Variants in TMED5 observed in about 807,000 individuals in gnomAD.
The protein encoded by TMED5 is transmembrane p24 trafficking protein 5, also known as transmembrane emp24 domain-containing protein 5.
TMED5 carries 27 observed loss-of-function variants against 23.0 expected under a neutral mutation model. That is an observed-to-expected ratio of 1.17 (90% CI 0.86 to 1.62). TMED5 has a LOEUF of 1.62. Ranked by LOEUF, TMED5 falls within the 40% of genes most tolerant of loss-of-function variation. The pLI, the probability that TMED5 is intolerant of heterozygous loss-of-function variation, is 0.00. For synonymous variants in TMED5, 97 were observed against 100.8 expected, an observed-to-expected ratio of 0.96 and a Z score of 0.23; for missense variants, 248 against 273.7, an observed-to-expected ratio of 0.91 and a Z score of 0.66.
At chr1:93,159,937 G>A (rs375899389) in intron 2 of TMED5, among the ~76,000 whole-genome samples, 192 bp downstream of exon 2, 2 of 152,116 alleles carry the variant, frequency 1.3e-5, no homozygotes, top group Non-Finnish European at 2.9e-5. Context: ...AAAAGAAAAC[G>A]CTTAAACAAA....
intron 1 of TMED5, among the ~76,000 whole-genome samples, chr1:93,174,728 G>A (rs916099319): frequency 2.0e-5 from 3 of 152,172 alleles, no homozygotes; most frequent in African/African-American, 7.2e-5. Flanking sequence ...ACTTCTAAGT[G>A]AGAACACGTG....
intron 1 of TMED5, among the ~76,000 whole-genome samples, chr1:93,171,365 G>A (rs1648729131): frequency 1.3e-5 from 2 of 152,090 alleles, no homozygotes; most frequent in African/African-American, 2.4e-5. Flanking sequence ...GAGGGTCCGC[G>A]GCTTCATTCT....
In TMED5 at chr1:93,178,386, CAATT is replaced by C. The variant is rs1260063647; in HGVS notation, c.189+1664_189+1667del. On this transcript the variant is annotated intron_variant, in intron 1 of 3. Coordinates refer to ENST00000370282, the MANE Select transcript of TMED5 (RefSeq NM_016040.5). Reference sequence around the variant, plus strand: ...CCCCTTGTTCCTGGCATTTTCGTCTCAATTAAGCATCTTTCTGGATTAAATTTTA... The same window carrying C: ...CCCCTTGTTCCTGGCATTTTCGTCTCAAGCATCTTTCTGGATTAAATTTTA... 3.3e-5 allele frequency among the ~76,000 whole-genome samples: 5 copies of C among 152,160 alleles called. No individual in the cohort carries two copies. In the East Asian group the frequency reaches 9.6e-4, roughly 29 times the overall value.
rs1647843899 is a variant in TMED5, at chr1:93,150,729, T to G, written c.*3941A>C. The G allele has an allele frequency of 6.6e-6, 1 of 152,208 alleles. No homozygotes were observed. Among genetic ancestry groups the G allele is most frequent in the Admixed American group, 6.5e-5 (1 of 15,278 alleles). 9.4% of individuals were successfully genotyped at this position (152,208 alleles called of 1,614,324 possible). A position where few individuals can be genotyped will look rare whatever the true frequency, so the allele number is the denominator to read the frequency against. ...GTTAGATTTAGTCCAGCCTCCCATT[T>G]CATATTAGCTGTAGTAACAATCCCC... On this transcript the variant is annotated 3_prime_UTR_variant, in exon 4 of 4. Transcript: ENST00000370282.
At chr1:93,157,027 A>G (rs904694172) in intron 2 of TMED5, among the ~76,000 whole-genome samples, 1 of 152,078 alleles carries the variant, frequency 6.6e-6, no homozygotes, top group Non-Finnish European at 1.5e-5. Context: ...TTGGAAAAGG[A>G]TAGAATTAAA....
chr1:93,168,969 C>T (rs1648603151), intron 1 of TMED5, among the ~76,000 whole-genome samples: 1 of 152,146 alleles, frequency 6.6e-6, no homozygotes, highest in Non-Finnish European at 1.5e-5. Context: ...GAAAGAGCCA[C>T]AAGAAGAAAC....
chr1:93,165,127 T>C (rs775282691), intron 1 of TMED5, among the ~76,000 whole-genome samples: 4 of 152,180 alleles, frequency 2.6e-5, no homozygotes, highest in Non-Finnish European at 5.9e-5. Flanking sequence ...TCCTTCCCAA[T>C]TGAGCCTAAG....
At chr1:93,162,440 TAAA>T (rs1188203367) in intron 1 of TMED5, 1 of 151,818 alleles carries the variant, frequency 6.6e-6, no homozygotes, top group African/African-American at 2.4e-5. Context: ...CTACTAAAAA[TAAA>T]AAAATGAGCC....
At chr1:93,177,364 G>A (rs547796485) in intron 1 of TMED5, among the ~76,000 whole-genome samples, 1 of 152,234 alleles carries the variant, frequency 6.6e-6, no homozygotes, top group East Asian at 1.9e-4. Context: ...GATCACTTGA[G>A]ATCAGGAGTT....
chr1:93,171,251 G>A (rs901247844), intron 1 of TMED5, among the ~76,000 whole-genome samples: 5 of 152,098 alleles, frequency 3.3e-5, no homozygotes, highest in African/African-American at 9.7e-5. Flanking sequence ...TCCTGAGCCA[G>A]CGAGACCACA....
rs1264237541 is a variant in TMED5 at position 93,152,386 on chromosome 1, A to AT, written c.*2283dup. 1 of 152,348 alleles carries AT rather than the reference A, an allele frequency of 6.6e-6. No homozygotes were observed. The highest frequency in any genetic ancestry group is 1.5e-5 in the Non-Finnish European group (1 of 68,020). 9.4% of individuals were successfully genotyped at this position (152,348 alleles called of 1,614,324 possible). A position where few individuals can be genotyped will look rare whatever the true frequency, so the allele number is the denominator to read the frequency against. ...ATGGAATAGTGAAATTAAAAAAAGC[A>AT]TATGAAGCAGATAAACAGTATGTCT... On this transcript the variant is annotated 3_prime_UTR_variant, in exon 4 of 4. Coordinates refer to ENST00000370282, the MANE Select transcript of TMED5 (RefSeq NM_016040.5).
At position 93,160,390 on chromosome 1, in the gene TMED5, C is replaced by G. The variant is rs1648225352; in HGVS notation, c.190-164G>C. 7 of 480,546 alleles carry G rather than the reference C, an allele frequency of 1.5e-5. No homozygotes were observed. The South Asian group carries it at 2.8e-4, about 19-fold the overall frequency. 29.8% of individuals were successfully genotyped at this position (480,546 alleles called of 1,614,324 possible). A position where few individuals can be genotyped will look rare whatever the true frequency, so the allele number is the denominator to read the frequency against. ...AACCAAAAGATCATCTAGTTCAATT[C>G]CATTCATTTTTGGAACTTGTCCCTT... On this transcript the variant is annotated intron_variant, in intron 1 of 3. Transcript: ENST00000370282.
rs1349037799 is a variant in TMED5, at chr1:93,154,238, C to A, written c.*432G>T. ...TTATTCAATCCATCATTAGGTAATT[C>A]TCAGGTGATTTATAACTTAAAACTG... On this transcript the variant is annotated 3_prime_UTR_variant, in exon 4 of 4. Coordinates refer to ENST00000370282, the MANE Select transcript of TMED5 (RefSeq NM_016040.5). 6.3e-6 allele frequency: 1 copy of A among 158,942 alleles called. No homozygotes were observed. Among genetic ancestry groups the A allele is most frequent in the East Asian group, 1.9e-4 (1 of 5,354 alleles). 9.8% of individuals were successfully genotyped at this position (158,942 alleles called of 1,614,324 possible). A position where few individuals can be genotyped will look rare whatever the true frequency, so the allele number is the denominator to read the frequency against.
intron 2 of TMED5, among the ~76,000 whole-genome samples, chr1:93,157,343 C>G (rs1648108267): frequency 6.6e-6 from 1 of 152,024 alleles, no homozygotes; most frequent in East Asian, 1.9e-4. Flanking sequence ...GGTAATTCAG[C>G]CCATCATTAA....
chr1:93,180,132 G>T lies in TMED5; in HGVS notation c.111C>A (p.Thr37=). ...GFTPSLDSDF[T]FTLPAGQKEC... ...CCTTCTGGCCGGCGGGAAGGGTAAA[G>T]GTGAAGTCGCTATCGAGGGAAGGTG... The change falls in exon 1 of 4, where the codon ACC becomes ACA. Residue 37 remains threonine (T), a synonymous_variant. Transcript: ENST00000370282. The T allele has an allele frequency of 6.2e-7, 1 of 1,613,796 alleles. No homozygotes were observed. Among genetic ancestry groups the T allele is most frequent in the East Asian group, 2.2e-5 (1 of 44,818 alleles).
rs1332697241 is a variant in TMED5, at chr1:93,153,469, T to A, written c.*1201A>T. ...AAAATGTACCTGCTTACAAAAATAA[T>A]TCAAACCAGAATTCTTGTAGAAAAT... On this transcript the variant is annotated 3_prime_UTR_variant, in exon 4 of 4. Coordinates refer to ENST00000370282, the MANE Select transcript of TMED5 (RefSeq NM_016040.5). The A allele has an allele frequency of 6.6e-6, 1 of 152,160 alleles. No individual in the cohort carries two copies. The highest frequency in any genetic ancestry group is 1.5e-5 in the Non-Finnish European group (1 of 67,990). 9.4% of individuals were successfully genotyped at this position (152,160 alleles called of 1,614,324 possible).
chr1:93,165,496 C>T (rs1648469439), intron 1 of TMED5, among the ~76,000 whole-genome samples: 1 of 152,082 alleles, frequency 6.6e-6, no homozygotes, highest in Non-Finnish European at 1.5e-5. Context: ...ACCTGTACTA[C>T]CCATGAAAGT....
At chr1:93,165,915 A>G (rs72955402) in intron 1 of TMED5, among the ~76,000 whole-genome samples, 13,626 of 152,050 alleles carry the variant, frequency 0.09, 1,999 homozygotes, top group African/African-American at 0.31. Context: ...CCAGCCTCCC[A>G]CTACTCTTCC....
intron 1 of TMED5, among the ~76,000 whole-genome samples, chr1:93,173,269 G>GTA (rs1262638652): frequency 6.8e-6 from 1 of 147,260 alleles, no homozygotes; most frequent in Non-Finnish European, 1.5e-5. Context: ...ATTACATGTT[G>GTA]TATATATGTA....
Sources: allele counts gnomAD v4.1 joint callset (sites outside exome capture counted in the v4.1 genomes callset), GRCh38; gene constraint gnomAD v4.1.1; transcripts MANE v1.5; gene names NCBI Gene and HGNC (gene_info 2026-07-23, HGNC 2026-07-21).